EDEM2: variants seen among roughly 807,000 people sequenced by gnomAD.
The protein encoded by EDEM2 is ER degradation enhancing alpha-mannosidase like protein 2, also known as ER degradation-enhancing alpha-mannosidase-like protein 2.
A neutral mutation model predicts 64.8 loss-of-function variants in EDEM2; 39 were observed. The ratio of observed to expected loss-of-function variants is 0.60; its 90% CI spans 0.47 to 0.79. The LOEUF (loss-of-function observed/expected upper bound fraction) is 0.79. EDEM2 is among the 30% of genes least tolerant of loss of function. The pLI is 0.00. For missense variants in EDEM2, 609 were observed against 731.3 expected (o/e 0.83, Z 1.93); for synonymous variants, 296 against 291.5 (o/e 1.02, Z -0.16).
At chr20:35,116,863 C>A (rs2085314935) in intron 10 of EDEM2, among the ~76,000 whole-genome samples, 1 of 151,930 alleles carries the variant, frequency 6.6e-6, no homozygotes, top group African/African-American at 2.4e-5. Flanking sequence ...GGTCTCGGCT[C>A]ACTGCAACCT....
In EDEM2 at chr20:35,142,401, G is replaced by A. The variant is rs1169727501; in HGVS notation, c.336C>T (p.Asn112=). Residue 112 remains asparagine (N), a synonymous_variant, in exon 4 of 11, where the codon AAC becomes AAT. Coordinates refer to ENST00000374492, the MANE Select transcript of EDEM2 (RefSeq NM_018217.3). ...QDSVDFDIDV[N]ASVFETNIRV... is the part of the protein sequence containing the mutation. ...GAATGTTTGTTTCAAACACAGAGGCGTTCACATCAATATCAAAGTCCACGC... is the reference window on the plus strand; with the variant it reads ...GAATGTTTGTTTCAAACACAGAGGCATTCACATCAATATCAAAGTCCACGC... The A allele has an allele frequency of 5.0e-6, 8 of 1,613,808 alleles. No individual in the cohort carries two copies. The highest frequency in any genetic ancestry group is 6.8e-6 in the Non-Finnish European group (8 of 1,179,898).
intron 6 of EDEM2, among the ~76,000 whole-genome samples, chr20:35,133,528 G>T (rs549614902): frequency 4.9e-4 from 74 of 151,336 alleles, no homozygotes; most frequent in Admixed American, 8.6e-4. Flanking sequence ...ATGCAATGGC[G>T]CGATCTCGGC....
At chr20:35,120,001 T>A (rs1463834605) in intron 9 of EDEM2, among the ~76,000 whole-genome samples, 1 of 152,190 alleles carries the variant, frequency 6.6e-6, no homozygotes, top group Non-Finnish European at 1.5e-5. Flanking sequence ...TGTTTCCTCC[T>A]GGGCTTGATC....
chr20:35,118,600 T>C lies in EDEM2; in HGVS notation c.1234A>G (p.Thr412Ala). The C allele has an allele frequency of 6.2e-7, 1 of 1,614,056 alleles. No homozygotes were observed. Among genetic ancestry groups the C allele is most frequent in the Non-Finnish European group, 8.5e-7 (1 of 1,179,928 alleles). The change falls in exon 10 of 11, where the codon ACA becomes GCA. Residue 412 changes from threonine to alanine, a missense_variant and splice_region_variant. By Grantham distance (58) the Thr-to-Ala change is moderately conservative (BLOSUM62 0). Transcript: ENST00000374492. The part of the protein sequence containing the change: ...KISKVECGFA[T>A]IKDLRDHKLD... ...CTTGGGGCCATGCAAACACTTACTGTTGCAAATCCGCACTCCACCTTGCTG... is the reference window on the plus strand; with the variant it reads ...CTTGGGGCCATGCAAACACTTACTGCTGCAAATCCGCACTCCACCTTGCTG...
At chr20:35,135,022 C>T in intron 5 of EDEM2, 73 bp from the exon 6 acceptor site, 5 of 1,464,278 alleles carry the variant, frequency 3.4e-6, no homozygotes, top group Non-Finnish European at 4.7e-6. Context: ...CGCCCAAAGC[C>T]TGGGACCTTA....
At position 35,118,585 on chromosome 20, in the gene EDEM2, T is replaced by C. The variant is rs2085334550; in HGVS notation, c.1236+13A>G. 2 of 1,613,956 alleles carry C rather than the reference T, an allele frequency of 1.2e-6. No homozygotes were observed. The highest frequency in any genetic ancestry group is 1.7e-4 in the Middle Eastern group (1 of 6,056). ...AGACTCTTCCCAGTTCTTGGGGCCA[T>C]GCAAACACTTACTGTTGCAAATCCG... On this transcript the variant is annotated intron_variant, in intron 10 of 10. Transcript: ENST00000374492.
chr20:35,133,005 G>A (rs971089461), intron 6 of EDEM2, among the ~76,000 whole-genome samples: 1 of 152,174 alleles, frequency 6.6e-6, no homozygotes, highest in Admixed American at 6.6e-5. Context: ...GTAAACACCA[G>A]TAGAGGAGGG....
intron 3 of EDEM2, among the ~76,000 whole-genome samples, chr20:35,144,402 C>T (rs911053703): frequency 6.6e-6 from 1 of 152,160 alleles, no homozygotes; most frequent in South Asian, 2.1e-4. Flanking sequence ...GGTGCAATCT[C>T]GGCTCACTGC....
At chr20:35,124,386 C>G (rs183407227) in intron 8 of EDEM2, among the ~76,000 whole-genome samples, 1 of 152,104 alleles carries the variant, frequency 6.6e-6, no homozygotes, top group Non-Finnish European at 1.5e-5. Flanking sequence ...CACACCACAC[C>G]CCCAAAAGAT....
At chr20:35,124,308 GT>G (rs1203395152) in intron 8 of EDEM2, among the ~76,000 whole-genome samples, 2 of 152,308 alleles carry the variant, frequency 1.3e-5, no homozygotes, top group East Asian at 1.9e-4. Context: ...TCAGCTAACA[GT>G]TTTGGAATTC....
At chr20:35,126,514 G>C (rs1280547315) in intron 7 of EDEM2, 139 bp from the exon 8 acceptor site, 6 of 1,048,514 alleles carry the variant, frequency 5.7e-6, no homozygotes, top group Non-Finnish European at 8.3e-6. Flanking sequence ...CAAGAGCATG[G>C]ATTCTGGAGT....
intron 10 of EDEM2, among the ~76,000 whole-genome samples, chr20:35,117,697 C>A (rs763777031): frequency 1.3e-5 from 2 of 152,154 alleles, no homozygotes; most frequent in East Asian, 1.9e-4. Context: ...GAATTCCATA[C>A]CCCAACACTG....
chr20:35,125,871 T>C (rs6088728), intron 8 of EDEM2, among the ~76,000 whole-genome samples: 92,719 of 152,032 alleles, frequency 0.61, 28,494 homozygotes, highest in Admixed American at 0.71. Context: ...GACCATGTAA[T>C]GGAAAAACAA....
intron 7 of EDEM2, among the ~76,000 whole-genome samples, chr20:35,128,858 T>G (rs1489873243): frequency 6.6e-6 from 1 of 150,942 alleles, no homozygotes; most frequent in Non-Finnish European, 1.5e-5. Context: ...AATAAAATAT[T>G]TCTGTATAGC....
At chr20:35,146,752 G>A (rs2085738174) in intron 2 of EDEM2, 73 bp downstream of exon 2, 2 of 1,517,172 alleles carry the variant, frequency 1.3e-6, no homozygotes, top group Admixed American at 1.9e-5. Context: ...GAAGCCACCA[G>A]CCCCAGCTGA....
intron 7 of EDEM2, 149 bp downstream of exon 7, chr20:35,131,493 G>C (rs2085504367): frequency 2.2e-6 from 2 of 922,412 alleles, no homozygotes; most frequent in Non-Finnish European, 3.3e-6. Flanking sequence ...TTGAACCTGG[G>C]AGGCAGAGGT....
intron 2 of EDEM2, 57 bp from the exon 3 acceptor site, chr20:35,145,075 T>C (rs2085711164): frequency 6.3e-7 from 1 of 1,582,102 alleles, no homozygotes; most frequent in East Asian, 2.2e-5. Context: ...CCAGATATTA[T>C]GGCTGCCCTA....
intron 9 of EDEM2, among the ~76,000 whole-genome samples, chr20:35,119,190 T>C (rs76128822): frequency 6.6e-6 from 1 of 152,216 alleles, no homozygotes; most frequent in Admixed American, 6.5e-5. Flanking sequence ...CTATTTTTTT[T>C]CCTGTCACTC....
intron 7 of EDEM2, among the ~76,000 whole-genome samples, chr20:35,131,424 G>A (rs949954460): frequency 6.6e-6 from 1 of 152,038 alleles, no homozygotes; most frequent in African/African-American, 2.4e-5. Context: ...GATGGTGTGC[G>A]CCTGTAGTCC....
Sources: allele counts gnomAD v4.1 joint callset (sites outside exome capture counted in the v4.1 genomes callset), GRCh38; gene constraint gnomAD v4.1.1; transcripts MANE v1.5; gene names NCBI Gene and HGNC (gene_info 2026-07-23, HGNC 2026-07-21).